Variants in AGBL1 observed in about 807,000 individuals in gnomAD.
The protein encoded by AGBL1 is AGBL carboxypeptidase 1.
AGBL1 carries 130 observed loss-of-function variants against 118.9 expected under a neutral mutation model. The ratio of observed to expected loss-of-function variants is 1.09; its 90% CI spans 0.95 to 1.26. The LOEUF is 1.26. AGBL1 is among the 50% of genes most tolerant of loss of function. The pLI is 0.00. For missense variants in AGBL1, 1,584 were observed against 1,298.1 expected, an observed-to-expected ratio of 1.22 and a Z score of -3.38; for synonymous variants, 555 against 478.9, an observed-to-expected ratio of 1.16 and a Z score of -2.08.
chr15:86,340,002 A>G (rs1220035027), intron 17 of AGBL1, among the ~76,000 whole-genome samples: 1 of 151,774 alleles, frequency 6.6e-6, no homozygotes, highest in African/African-American at 2.4e-5. Context: ...CCTTCCTTAT[A>G]TATTCTACTT....
chr15:86,899,650 TC>T (rs1242088063), intron 22 of AGBL1, among the ~76,000 whole-genome samples: 1 of 152,180 alleles, frequency 6.6e-6, no homozygotes, highest in Non-Finnish European at 1.5e-5. Context: ...GATTTGTTCT[TC>T]ATTTTACCTC....
intron 22 of AGBL1, among the ~76,000 whole-genome samples, chr15:86,775,486 G>T (rs529014536): frequency 6.6e-6 from 1 of 152,068 alleles, no homozygotes; most frequent in Non-Finnish European, 1.5e-5. Flanking sequence ...TAAATCCTGT[G>T]GTGGTGAGAG....
rs1248977520 is a variant in AGBL1 at position 86,532,414 on chromosome 15, G to C, written c.2685+9475G>C. Among the ~76,000 whole-genome samples, 737 of 136,740 alleles carry C rather than the reference G, an allele frequency of 5.4e-3. 8 individuals carry two copies. Among genetic ancestry groups the C allele is most frequent in the African/African-American group, 0.019 (674 of 34,940 alleles). The allele number at this position is 136,740 out of a possible 152,430, so 89.7% of individuals were successfully genotyped here. On this transcript the variant is annotated intron_variant, in intron 19 of 22. Transcript: ENST00000614907. ...AATCCAACTTACAAGGGATGTGAAG[G>C]ACCTCTTCAAGGAGAACTACAAACC...
At chr15:86,125,065 C>G (rs1898334284) in intron 1 of AGBL1, among the ~76,000 whole-genome samples, 1 of 152,164 alleles carries the variant, frequency 6.6e-6, no homozygotes, top group Non-Finnish European at 1.5e-5. Flanking sequence ...CTAGCCAACC[C>G]ACATCCACTT....
intron 18 of AGBL1, among the ~76,000 whole-genome samples, chr15:86,448,851 G>GA (rs912083588): frequency 9.3e-5 from 14 of 149,830 alleles, no homozygotes; most frequent in South Asian, 2.1e-4. Context: ...TAACTCAAAA[G>GA]AAAAAAAAAG....
At chr15:86,268,261 A>T (rs553310190) in intron 13 of AGBL1, among the ~76,000 whole-genome samples, 14 of 152,268 alleles carry the variant, frequency 9.2e-5, no homozygotes, top group African/African-American at 3.4e-4. Flanking sequence ...CCCAACAAAT[A>T]AAACAGAGAC....
chr15:86,372,143 C>T (rs1233084080), intron 17 of AGBL1, among the ~76,000 whole-genome samples: 2 of 152,212 alleles, frequency 1.3e-5, no homozygotes, highest in Non-Finnish European at 2.9e-5. Flanking sequence ...ATCAGCATGC[C>T]TGGGCATGAA....
At chr15:86,938,257 T>C (rs2080700721) in intron 23 of AGBL1, among the ~76,000 whole-genome samples, 1 of 152,094 alleles carries the variant, frequency 6.6e-6, no homozygotes, top group Non-Finnish European at 1.5e-5. Flanking sequence ...TTATAGAAAA[T>C]AGAATGGCCT....
intron 21 of AGBL1, among the ~76,000 whole-genome samples, chr15:86,596,969 A>G (rs2084417399): frequency 6.6e-6 from 1 of 152,206 alleles, no homozygotes; most frequent in South Asian, 2.1e-4. Context: ...TACCTAAAAT[A>G]TGGACCAACA....
intron 16 of AGBL1, among the ~76,000 whole-genome samples, chr15:86,288,095 T>C (rs2079483242): frequency 6.6e-6 from 1 of 152,202 alleles, no homozygotes; most frequent in South Asian, 2.1e-4. Flanking sequence ...TGCAACCAAG[T>C]TTCCCTTTCT....
intron 19 of AGBL1, among the ~76,000 whole-genome samples, chr15:86,539,518 G>C (rs2083466976): frequency 6.6e-6 from 1 of 151,998 alleles, no homozygotes; most frequent in South Asian, 2.1e-4. Context: ...TAGTTTAAAG[G>C]CTCCTTCACC....
intron 22 of AGBL1, among the ~76,000 whole-genome samples, chr15:86,696,486 T>C (rs1204132850): frequency 6.6e-6 from 1 of 151,848 alleles, no homozygotes; most frequent in African/African-American, 2.4e-5. Context: ...ATGTGTCAAG[T>C]GAGTCTCTCG....
chr15:86,330,303 C>T (rs1168164756), intron 17 of AGBL1, among the ~76,000 whole-genome samples: 1 of 152,194 alleles, frequency 6.6e-6, no homozygotes, highest in African/African-American at 2.4e-5. Context: ...CTAGGTGAAA[C>T]TGCATGGCCC....
intron 17 of AGBL1, among the ~76,000 whole-genome samples, chr15:86,348,564 G>A (rs189579332): frequency 6.6e-6 from 1 of 152,148 alleles, no homozygotes; most frequent in Non-Finnish European, 1.5e-5. Context: ...CGGATCATGA[G>A]GTCAGGAGTT....
chr15:86,566,364 A>G (rs550118272), intron 21 of AGBL1, among the ~76,000 whole-genome samples: 1 of 138,376 alleles, frequency 7.2e-6, no homozygotes, highest in Non-Finnish European at 1.5e-5. Flanking sequence ...TGGCTGTTCT[A>G]TCCACTATTT....
chr15:86,988,565 T>G (rs2081307383), intron 24 of AGBL1: 1 of 152,286 alleles, frequency 6.6e-6, no homozygotes, highest in South Asian at 2.1e-4. Flanking sequence ...AAAAAAACAA[T>G]TTAATTTTAC....
At chr15:86,839,485 T>C (rs1238285089) in intron 22 of AGBL1, among the ~76,000 whole-genome samples, 3 of 152,220 alleles carry the variant, frequency 2.0e-5, no homozygotes, top group Non-Finnish European at 2.9e-5. Context: ...TTTCTCTTGC[T>C]GTCTCTATTT....
At chr15:86,552,280 G>A (rs986609760) in intron 20 of AGBL1, among the ~76,000 whole-genome samples, 1 of 151,984 alleles carries the variant, frequency 6.6e-6, no homozygotes, top group East Asian at 1.9e-4. Flanking sequence ...TCTCAGTTTC[G>A]CTGTGGACCT....
At chr15:86,263,172 G>A (rs1307108482) in intron 10 of AGBL1, among the ~76,000 whole-genome samples, 1 of 152,210 alleles carries the variant, frequency 6.6e-6, no homozygotes, top group Non-Finnish European at 1.5e-5. Flanking sequence ...TTCCATTGAT[G>A]ACAGGCAGCA....
Sources: gnomAD v4.1 joint callset for allele counts (sites outside exome capture counted in the v4.1 genomes callset) on GRCh38, gnomAD v4.1.1 for gene constraint, MANE v1.5 for transcripts, NCBI Gene and HGNC (gene_info 2026-07-23, HGNC 2026-07-21) for gene names.